GUCY1A2: variants seen among roughly 807,000 people sequenced by gnomAD.
GUCY1A2 encodes guanylate cyclase 1 soluble subunit alpha 2.
In GUCY1A2, 27 loss-of-function variants were observed where a neutral mutation model predicts 63.5. The observed-to-expected ratio is 0.43, with a 90% CI of 0.31 to 0.59. The LOEUF (loss-of-function observed/expected upper bound fraction) is 0.59. Among genes scored for constraint, GUCY1A2 ranks in the 20% least tolerant of loss-of-function variants. The pLI, the probability that GUCY1A2 is intolerant of heterozygous loss-of-function variation, is 0.11. For synonymous variants in GUCY1A2, 364 were observed against 343.5 expected (o/e 1.06, Z -0.66); for missense variants, 768 against 913.3 (o/e 0.84, Z 2.05).
chr11:106,881,431 T>C (rs1859822177), intron 4 of GUCY1A2, among the ~76,000 whole-genome samples: 1 of 152,094 alleles, frequency 6.6e-6, no homozygotes, highest in African/African-American at 2.4e-5. Flanking sequence ...AGATCCAGAA[T>C]GAGTATACAA....
intron 4 of GUCY1A2, among the ~76,000 whole-genome samples, chr11:106,909,355 C>CTGTGTGTGTGTGTGTGTG (rs59067320): frequency 0.07 from 8,339 of 119,702 alleles, 510 homozygotes; most frequent in African/African-American, 0.083. Flanking sequence ...TGGTACTCAT[C>CTGTGTGTGTGTGTGTGTG]TGTGTGTGTG....
chr11:106,959,689 C>T, intron 3 of GUCY1A2, among the ~76,000 whole-genome samples: 1 of 152,228 alleles, frequency 6.6e-6, no homozygotes, highest in South Asian at 2.1e-4. Flanking sequence ...TTGCCCCAGT[C>T]AGGGGCAATT....
intron 4 of GUCY1A2, among the ~76,000 whole-genome samples, chr11:106,902,790 G>A (rs980983568): frequency 6.6e-6 from 1 of 152,048 alleles, no homozygotes; most frequent in South Asian, 2.1e-4. Flanking sequence ...AACTATTTCC[G>A]TAGCATTTAG....
At chr11:106,711,435 T>C (rs1863116866) in intron 6 of GUCY1A2, among the ~76,000 whole-genome samples, 1 of 152,136 alleles carries the variant, frequency 6.6e-6, no homozygotes, top group African/African-American at 2.4e-5. Flanking sequence ...TATAGATACT[T>C]TGAAAACATA....
At chr11:106,966,340 TC>T (rs1425795688) in intron 3 of GUCY1A2, among the ~76,000 whole-genome samples, 1 of 152,140 alleles carries the variant, frequency 6.6e-6, no homozygotes, top group Non-Finnish European at 1.5e-5. Flanking sequence ...ACTCCTGACC[TC>T]AGGTGATCCA....
At chr11:106,839,697 A>C (rs2135442539) in intron 4 of GUCY1A2, among the ~76,000 whole-genome samples, 1 of 152,096 alleles carries the variant, frequency 6.6e-6, no homozygotes, top group Admixed American at 6.6e-5. Context: ...GGATGAGTTC[A>C]TGTCCTTTGT....
chr11:106,884,369 A>T (rs919785962), intron 4 of GUCY1A2, among the ~76,000 whole-genome samples: 20 of 152,176 alleles, frequency 1.3e-4, no homozygotes, highest in Non-Finnish European at 2.9e-4. Flanking sequence ...TACATTAGAC[A>T]TTAGAAGAAT....
intron 6 of GUCY1A2, among the ~76,000 whole-genome samples, chr11:106,744,097 T>G (rs563717896): frequency 7.2e-5 from 11 of 152,240 alleles, no homozygotes; most frequent in African/African-American, 2.6e-4. Flanking sequence ...CCTTTGTTAC[T>G]CCATCAAGGA....
chr11:106,815,198 T>C (rs956255833), intron 4 of GUCY1A2, among the ~76,000 whole-genome samples: 3 of 151,940 alleles, frequency 2.0e-5, no homozygotes, highest in African/African-American at 7.2e-5. Context: ...GAGGATAGAA[T>C]CAGTGAATTG....
intron 2 of GUCY1A2, among the ~76,000 whole-genome samples, chr11:106,979,811 G>C (rs1382362979): frequency 6.6e-6 from 1 of 152,144 alleles, no homozygotes; most frequent in African/African-American, 2.4e-5. Context: ...AGACTAAACA[G>C]CCACTGCCCC....
At position 106,674,757 on chromosome 11, in the gene GUCY1A2, CA is replaced by C; in HGVS notation, c.*12791del. On this transcript the variant is annotated 3_prime_UTR_variant, in exon 8 of 8. Transcript: ENST00000526355. ...ATACAATATGATTTACATTGCAAAC[CA>C]AACCAAAAATTTAGACCCATGAAAT... 1 of 206,982 alleles carries C rather than the reference CA, an allele frequency of 4.8e-6. No homozygotes were observed. Among genetic ancestry groups the C allele is most frequent in the Non-Finnish European group, 9.9e-6 (1 of 101,478 alleles). 12.8% of individuals were successfully genotyped at this position (206,982 alleles called of 1,614,324 possible).
chr11:106,872,796 T>G (rs962459198), intron 4 of GUCY1A2, among the ~76,000 whole-genome samples: 1 of 152,200 alleles, frequency 6.6e-6, no homozygotes, highest in African/African-American at 2.4e-5. Context: ...TTTTTTTTCT[T>G]TTTTAAAATT....
At position 106,871,489 on chromosome 11, in the gene GUCY1A2, C is replaced by T. The variant is rs543941499; in HGVS notation, c.1207-61011G>A. Among the ~76,000 whole-genome samples, 20 of 152,150 alleles carry T rather than the reference C, an allele frequency of 1.3e-4. No homozygotes were observed. The South Asian group carries it at 2.3e-3, about 17-fold the overall frequency. Reference sequence around the variant, plus strand: ...AGTATTGTCAGCAATCCTTGCTGTCCCTATGCTTTCAGACATGTGACTCCC... The same window carrying T: ...AGTATTGTCAGCAATCCTTGCTGTCTCTATGCTTTCAGACATGTGACTCCC... On this transcript the variant is annotated intron_variant, in intron 4 of 7. Coordinates refer to ENST00000526355, the MANE Select transcript of GUCY1A2 (RefSeq NM_000855.3).
chr11:106,778,280 T>C (rs1864395804), intron 5 of GUCY1A2, among the ~76,000 whole-genome samples: 1 of 152,230 alleles, frequency 6.6e-6, no homozygotes, highest in Admixed American at 6.5e-5. Flanking sequence ...CTTTAGTTTT[T>C]ATCAAATAAT....
intron 4 of GUCY1A2, among the ~76,000 whole-genome samples, chr11:106,932,372 GCCT>G (rs35291992): frequency 0.032 from 4,798 of 152,020 alleles, 240 homozygotes; most frequent in African/African-American, 0.11. Context: ...ATGCCATTAA[GCCT>G]CCTGTGTGGT....
At chr11:106,703,827 CTTA>C (rs763067668) in intron 7 of GUCY1A2, among the ~76,000 whole-genome samples, 2 of 151,606 alleles carry the variant, frequency 1.3e-5, no homozygotes, top group Non-Finnish European at 2.9e-5. Context: ...TATATGATTA[CTTA>C]TTAAGTAATG....
At chr11:106,870,012 A>C (rs1182765644) in intron 4 of GUCY1A2, among the ~76,000 whole-genome samples, 1 of 150,894 alleles carries the variant, frequency 6.6e-6, no homozygotes, top group Non-Finnish European at 1.5e-5. Flanking sequence ...AAGGACAAAT[A>C]CCAAACACCG....
intron 6 of GUCY1A2, among the ~76,000 whole-genome samples, chr11:106,762,226 G>A (rs1030670308): frequency 3.3e-5 from 5 of 152,058 alleles, no homozygotes; most frequent in African/African-American, 1.2e-4. Flanking sequence ...GGAAGTCAAT[G>A]TATTTACTTA....
At chr11:106,869,684 G>A (rs1859646678) in intron 4 of GUCY1A2, among the ~76,000 whole-genome samples, 1 of 152,134 alleles carries the variant, frequency 6.6e-6, no homozygotes, top group Admixed American at 6.5e-5. Flanking sequence ...CAACCATTGT[G>A]GAAGACAGTG....
Sources: allele counts gnomAD v4.1 joint callset (sites outside exome capture counted in the v4.1 genomes callset), GRCh38; gene constraint gnomAD v4.1.1; transcripts MANE v1.5; gene names NCBI Gene and HGNC (gene_info 2026-07-23, HGNC 2026-07-21).